CTNNBL1: variants seen among roughly 807,000 people sequenced by gnomAD.
CTNNBL1 encodes catenin beta like 1.
CTNNBL1 carries 31 observed loss-of-function variants against 72.7 expected under a neutral mutation model. The ratio of observed to expected loss-of-function variants is 0.43; its 90% CI spans 0.32 to 0.58. The LOEUF (loss-of-function observed/expected upper bound fraction) is 0.58. Ranked by LOEUF, CTNNBL1 falls within the 20% of genes least tolerant of loss-of-function variation. The pLI, the probability that CTNNBL1 is intolerant of heterozygous loss-of-function variation, is 0.08. For synonymous variants in CTNNBL1, 240 were observed against 267.3 expected (o/e 0.90, Z 1.00); for missense variants, 534 against 725.1 (o/e 0.74, Z 3.03).
At chr20:37,745,128 A>G (rs1431160571) in intron 3 of CTNNBL1, among the ~76,000 whole-genome samples, 1 of 152,238 alleles carries the variant, frequency 6.6e-6, no homozygotes, top group Non-Finnish European at 1.5e-5. Context: ...ATAAGCATAT[A>G]CTTAAAAATA....
intron 1 of CTNNBL1, among the ~76,000 whole-genome samples, chr20:37,704,494 C>T (rs2072869169): frequency 1.3e-5 from 2 of 151,852 alleles, no homozygotes; most frequent in South Asian, 4.2e-4. Context: ...GTGGGAGGAT[C>T]TCTTGAGCTC....
chr20:37,705,902 G>C (rs1872433597), intron 1 of CTNNBL1, among the ~76,000 whole-genome samples: 1 of 152,138 alleles, frequency 6.6e-6, no homozygotes, highest in African/African-American at 2.4e-5. Context: ...TACCTCTTTA[G>C]TATTTCAGCT....
intron 10 of CTNNBL1, among the ~76,000 whole-genome samples, chr20:37,793,780 CT>C (rs1177593956): frequency 6.6e-6 from 1 of 152,018 alleles, no homozygotes; most frequent in Non-Finnish European, 1.5e-5. Flanking sequence ...GGTCAGTTAT[CT>C]TTTTTTTCTT....
chr20:37,706,365 C>T (rs1473274606), intron 1 of CTNNBL1, among the ~76,000 whole-genome samples: 2 of 152,210 alleles, frequency 1.3e-5, no homozygotes, highest in African/African-American at 2.4e-5. Context: ...AGTCAGTTCT[C>T]TTAAACTGTG....
chr20:37,818,481 G>A (rs1429537382), intron 11 of CTNNBL1, among the ~76,000 whole-genome samples: 1 of 152,220 alleles, frequency 6.6e-6, no homozygotes, highest in Non-Finnish European at 1.5e-5. Flanking sequence ...TTGGGACTCT[G>A]GGAAAGGCAA....
chr20:37,856,759 C>T (rs1160957675), intron 13 of CTNNBL1, among the ~76,000 whole-genome samples: 2 of 152,204 alleles, frequency 1.3e-5, no homozygotes, highest in Non-Finnish European at 2.9e-5. Flanking sequence ...CTATCACTTA[C>T]AATTTTTTTA....
Position 37,696,578 on chromosome 20 carries a change from G to C in CTNNBL1, c.30+2426G>C, listed in dbSNP as rs561569286. On this transcript the variant is annotated intron_variant, in intron 1 of 15. Transcript: ENST00000361383. ...CCTGCCTCAGCCTCCTGAGTAGCTG[G>C]GATTACGGGCATGCGCCACCACGCC... Among the ~76,000 whole-genome samples the C allele has an allele frequency of 2.7e-5, 4 of 147,774 alleles. No homozygotes were observed. The East Asian group carries it at 8.1e-4, about 30-fold the overall frequency.
intron 13 of CTNNBL1, among the ~76,000 whole-genome samples, chr20:37,850,688 T>C (rs1378507981): frequency 6.6e-6 from 1 of 152,214 alleles, no homozygotes; most frequent in African/African-American, 2.4e-5. Flanking sequence ...TTGATGCTTC[T>C]CCCATCTCTA....
At chr20:37,705,051 G>T (rs1302152193) in intron 1 of CTNNBL1, among the ~76,000 whole-genome samples, 1 of 152,188 alleles carries the variant, frequency 6.6e-6, no homozygotes, top group Non-Finnish European at 1.5e-5. Context: ...GAATGTGGAT[G>T]GTTCACAATA....
chr20:37,752,703 C>G (rs1002548408), intron 4 of CTNNBL1, among the ~76,000 whole-genome samples: 4 of 152,064 alleles, frequency 2.6e-5, no homozygotes, highest in South Asian at 4.1e-4. Flanking sequence ...AAACACCACT[C>G]TTTTTTTCCA....
At chr20:37,717,976 G>A (rs1204684880) in intron 1 of CTNNBL1, among the ~76,000 whole-genome samples, 2 of 152,164 alleles carry the variant, frequency 1.3e-5, no homozygotes, top group Admixed American at 6.5e-5. Flanking sequence ...TCTTAGTACA[G>A]AACAAAATGA....
At chr20:37,706,086 A>G (rs2072882346) in intron 1 of CTNNBL1, among the ~76,000 whole-genome samples, 1 of 152,186 alleles carries the variant, frequency 6.6e-6, no homozygotes, top group African/African-American at 2.4e-5. Flanking sequence ...CTTTAATTAA[A>G]AATGCTTTGT....
intron 11 of CTNNBL1, among the ~76,000 whole-genome samples, chr20:37,835,231 C>T (rs1287008191): frequency 6.6e-6 from 1 of 152,178 alleles, no homozygotes; most frequent in Non-Finnish European, 1.5e-5. Context: ...TGGTACTACT[C>T]CATTGGCTTT....
intron 1 of CTNNBL1, among the ~76,000 whole-genome samples, chr20:37,715,742 C>T (rs1172981776): frequency 6.6e-6 from 1 of 152,164 alleles, no homozygotes; most frequent in Non-Finnish European, 1.5e-5. Flanking sequence ...TGTCAGGCTG[C>T]TTTAACACAG....
chr20:37,828,642 C>T (rs879281486), intron 11 of CTNNBL1, among the ~76,000 whole-genome samples: 4 of 152,190 alleles, frequency 2.6e-5, no homozygotes, highest in Non-Finnish European at 4.4e-5. Context: ...GGTTTGCAAT[C>T]GATGTGGCCT....
chr20:37,755,347 G>GT (rs1049022628), intron 4 of CTNNBL1, among the ~76,000 whole-genome samples: 4 of 152,080 alleles, frequency 2.6e-5, no homozygotes, highest in African/African-American at 9.7e-5. Flanking sequence ...TATTTTTGCT[G>GT]TTTTTTATTA....
At chr20:37,777,153 T>C in intron 7 of CTNNBL1, 192 bp from the exon 8 acceptor site, 1 of 538,632 alleles carries the variant, frequency 1.9e-6, no homozygotes. Context: ...GTGAGAGCCA[T>C]TGTTTCAATC....
At chr20:37,846,814 G>A (rs927455179) in intron 13 of CTNNBL1, among the ~76,000 whole-genome samples, 1 of 152,010 alleles carries the variant, frequency 6.6e-6, no homozygotes, top group South Asian at 2.1e-4. Context: ...CTGCTATCAG[G>A]TCTCAGTAAA....
In CTNNBL1 at chr20:37,802,865, A is replaced by G. The variant is rs1459863498; in HGVS notation, c.1032-2A>G. 2 of 1,607,124 alleles carry G rather than the reference A, an allele frequency of 1.2e-6. No homozygotes were observed. The highest frequency in any genetic ancestry group is 1.7e-6 in the Non-Finnish European group (2 of 1,176,108). ...CTTATCTGAAACCTCTTTTGTTCAC[A>G]GGGAAAAGAAGATCTCCCGGAGCAG... On this transcript the variant is annotated splice_acceptor_variant, in intron 10 of 15. Coordinates refer to ENST00000361383, the MANE Select transcript of CTNNBL1 (RefSeq NM_030877.5). LOFTEE classifies it high-confidence loss of function.
Sources: gnomAD v4.1 joint callset for allele counts (sites outside exome capture counted in the v4.1 genomes callset) on GRCh38, gnomAD v4.1.1 for gene constraint, MANE v1.5 for transcripts, NCBI Gene and HGNC (gene_info 2026-07-23, HGNC 2026-07-21) for gene names.